The following CSMD3 variants were observed in gnomAD, a reference collection of about 807,000 sequenced individuals.
CSMD3 encodes CUB and sushi domain-containing protein 3.
A neutral mutation model predicts 435.2 loss-of-function variants in CSMD3; 177 were observed. That is an observed-to-expected ratio of 0.41 (90% confidence interval 0.36 to 0.46). The LOEUF is 0.46. Ranked by LOEUF, CSMD3 falls within the 20% of genes least tolerant of loss-of-function variation. The probability of loss-of-function intolerance (pLI) is 0.34; values close to 1 mark genes in which losing one functional copy is unlikely to be tolerated. For synonymous variants in CSMD3, 1,656 were observed against 1,520.5 expected (o/e 1.09, Z -2.07); for missense variants, 4,265 against 4,504.6 (o/e 0.95, Z 1.52).
chr8:112,921,516 C>A, intron 10 of CSMD3, 111 bp downstream of exon 10: 1 of 958,974 alleles, frequency 1.0e-6, no homozygotes, highest in Non-Finnish European at 1.7e-6. Context: ...TGAGCACAAT[C>A]TTTCCTTAAA....
chr8:112,241,718 A>C lies in CSMD3; in HGVS notation c.10468+2T>G, dbSNP rs1216592478. On this transcript the variant is annotated splice_donor_variant, in intron 66 of 70. Coordinates refer to ENST00000297405, the MANE Select transcript of CSMD3 (RefSeq NM_198123.2). LOFTEE classifies it high-confidence loss of function. ...TCTAGAAAAACAAATGACATTACTAACCACTTAGCTTTGGGCTGGGTGTTC... is the reference window on the plus strand; with the variant it reads ...TCTAGAAAAACAAATGACATTACTACCCACTTAGCTTTGGGCTGGGTGTTC... 1.2e-6 allele frequency: 2 copies of C among 1,606,258 alleles called. No individual in the cohort carries two copies. The highest frequency in any genetic ancestry group is 2.7e-5 in the African/African-American group (2 of 74,698).
At position 112,553,797 on chromosome 8, in the gene CSMD3, T is replaced by C. The variant is rs150899504; in HGVS notation, c.4235-1077A>G. ...GAAGAGACCTGATAACACTAGAATC[T>C]AATGGCTCAAATTTGTAGGCTGCAT... On this transcript the variant is annotated intron_variant, in intron 25 of 70. Transcript: ENST00000297405. Among the ~76,000 whole-genome samples, 5 of 152,180 alleles carry C rather than the reference T, an allele frequency of 3.3e-5. No homozygotes were observed. The East Asian group carries it at 9.7e-4, about 29-fold the overall frequency.
At chr8:113,066,857 A>C (rs2088881813) in intron 5 of CSMD3, among the ~76,000 whole-genome samples, 1 of 152,136 alleles carries the variant, frequency 6.6e-6, no homozygotes, top group Non-Finnish European at 1.5e-5. Flanking sequence ...GATGGGACTA[A>C]GAAAATATTG....
chr8:112,838,582 A>AC (rs1237893417), intron 11 of CSMD3, among the ~76,000 whole-genome samples: 2 of 151,648 alleles, frequency 1.3e-5, no homozygotes, highest in African/African-American at 4.8e-5. Flanking sequence ...TTTTTTCCAT[A>AC]CACATGAAAG....
At chr8:112,822,072 G>A (rs1345576216) in intron 12 of CSMD3, among the ~76,000 whole-genome samples, 1 of 152,080 alleles carries the variant, frequency 6.6e-6, no homozygotes, top group African/African-American at 2.4e-5. Flanking sequence ...ATAGTTTGAG[G>A]TCAGGTACCA....
At chr8:112,347,284 C>A (rs951458128) in intron 40 of CSMD3, among the ~76,000 whole-genome samples, 5 of 152,130 alleles carry the variant, frequency 3.3e-5, no homozygotes, top group Non-Finnish European at 7.4e-5. Flanking sequence ...GAAACCTATT[C>A]TTGACCGTCT....
At chr8:112,554,386 A>C (rs1827940224) in intron 25 of CSMD3, among the ~76,000 whole-genome samples, 1 of 152,020 alleles carries the variant, frequency 6.6e-6, no homozygotes, top group South Asian at 2.1e-4. Flanking sequence ...ATTAGTATTT[A>C]AGATGTTATC....
At chr8:112,797,178 G>T (rs1263200901) in intron 13 of CSMD3, among the ~76,000 whole-genome samples, 1 of 151,766 alleles carries the variant, frequency 6.6e-6, no homozygotes, top group African/African-American at 2.4e-5. Context: ...ATAAATTTTT[G>T]TTCCTCTCTC....
chr8:112,224,957 T>C (rs1400335809), intron 70 of CSMD3, 27 bp from the exon 71 acceptor site: 4 of 1,610,424 alleles, frequency 2.5e-6, no homozygotes, highest in Non-Finnish European at 3.4e-6. Flanking sequence ...TGATTAGCTA[T>C]GTGTTAACTT....
rs2076877034 is a variant in CSMD3 at position 112,722,351 on chromosome 8, T to C, written c.1973-32301A>G. The stretch of plus-strand genomic sequence containing the variant: ...GCAAACTGGGTATATTGAAAATGGA[T>C]TGTACAGTAGATAACATTGGTGATT... On this transcript the variant is annotated intron_variant, in intron 13 of 70. Coordinates refer to ENST00000297405, the MANE Select transcript of CSMD3 (RefSeq NM_198123.2). Among the ~76,000 whole-genome samples the C allele has an allele frequency of 3.3e-5, 5 of 152,092 alleles. No homozygotes were observed. In the South Asian group the frequency reaches 8.3e-4, roughly 25 times the overall value.
intron 9 of CSMD3, among the ~76,000 whole-genome samples, chr8:112,946,434 G>A (rs1047029331): frequency 4.0e-5 from 6 of 151,552 alleles, no homozygotes; most frequent in African/African-American, 9.7e-5. Context: ...TGATTAAAAC[G>A]TCAGGTTTTG....
At chr8:112,448,794 G>T (rs568818541) in intron 32 of CSMD3, among the ~76,000 whole-genome samples, 78 of 150,352 alleles carry the variant, frequency 5.2e-4, no homozygotes, top group Non-Finnish European at 1.1e-3. Context: ...AACCTCTACT[G>T]GAGTTCTAGG....
intron 27 of CSMD3, among the ~76,000 whole-genome samples, chr8:112,522,015 AT>A (rs1824339452): frequency 6.6e-6 from 1 of 151,738 alleles, no homozygotes; most frequent in Admixed American, 6.6e-5. Context: ...AAATCTTCTA[AT>A]TTTTACACTA....
intron 38 of CSMD3, among the ~76,000 whole-genome samples, chr8:112,371,166 GA>G (rs1828354694): frequency 6.6e-6 from 1 of 152,132 alleles, no homozygotes; most frequent in Non-Finnish European, 1.5e-5. Context: ...AGCCCACATG[GA>G]TATGGGGCAC....
chr8:112,821,917 C>T (rs1262484451), intron 12 of CSMD3, among the ~76,000 whole-genome samples: 1 of 152,168 alleles, frequency 6.6e-6, no homozygotes, highest in Non-Finnish European at 1.5e-5. Context: ...ACCCTTTCTC[C>T]ATTGCTTGTT....
At chr8:113,250,176 TC>T (rs1430039455) in intron 3 of CSMD3, among the ~76,000 whole-genome samples, 1 of 152,106 alleles carries the variant, frequency 6.6e-6, no homozygotes, top group Non-Finnish European at 1.5e-5. Flanking sequence ...TTACATCTAA[TC>T]TTTTTTTACA....
At chr8:113,026,694 T>A (rs1379581876) in intron 5 of CSMD3, among the ~76,000 whole-genome samples, 1 of 152,168 alleles carries the variant, frequency 6.6e-6, no homozygotes, top group Admixed American at 6.5e-5. Flanking sequence ...TCTCTTTGAA[T>A]TTTTATACTC....
chr8:112,795,474 T>C lies in CSMD3; in HGVS notation c.1972+4688A>G, dbSNP rs192427809. On this transcript the variant is annotated intron_variant, in intron 13 of 70. Coordinates refer to ENST00000297405, the MANE Select transcript of CSMD3 (RefSeq NM_198123.2). ...CTTTTCCACATACCCTTGTCAAATATATTAAATGTTCAAATATAAATTCAC... is the reference window on the plus strand; with the variant it reads ...CTTTTCCACATACCCTTGTCAAATACATTAAATGTTCAAATATAAATTCAC... Among the ~76,000 whole-genome samples the C allele has an allele frequency of 6.1e-4, 93 of 152,258 alleles. No individual in the cohort carries two copies. In the East Asian group the frequency reaches 0.011, roughly 18 times the overall value.
intron 3 of CSMD3, among the ~76,000 whole-genome samples, chr8:113,192,185 G>A (rs1001672648): frequency 2.0e-4 from 30 of 151,570 alleles, no homozygotes; most frequent in Non-Finnish European, 3.8e-4. Context: ...ATTAGGATTT[G>A]GAAGGCAAGG....
Sources: allele counts gnomAD v4.1 joint callset (sites outside exome capture counted in the v4.1 genomes callset), GRCh38; gene constraint gnomAD v4.1.1; transcripts MANE v1.5; gene names NCBI Gene and HGNC (gene_info 2026-07-23, HGNC 2026-07-21).